Variants in HS6ST1 observed in about 807,000 individuals in gnomAD.
HS6ST1 encodes the protein heparan-sulfate 6-O-sulfotransferase 1.
HS6ST1 carries 3 observed loss-of-function variants against 25.2 expected under a neutral mutation model. The observed-to-expected ratio is 0.12, with a 90% CI of 0.05 to 0.31. HS6ST1 has a LOEUF of 0.31. Ranked by LOEUF, HS6ST1 falls within the 10% of genes least tolerant of loss-of-function variation. The probability of loss-of-function intolerance (pLI) is 1.00; values close to 1 mark genes in which losing one functional copy is unlikely to be tolerated. For synonymous variants in HS6ST1, 204 were observed against 275.1 expected (o/e 0.74, Z 2.56); for missense variants, 310 against 609.6 (o/e 0.51, Z 5.18).
At chr2:128,281,467 G>T (rs898864315) in intron 1 of HS6ST1, among the ~76,000 whole-genome samples, 3 of 152,354 alleles carry the variant, frequency 2.0e-5, no homozygotes, top group Admixed American at 6.5e-5. Context: ...CCATCAGGAT[G>T]TCCTTAGAGA....
intron 1 of HS6ST1, among the ~76,000 whole-genome samples, chr2:128,272,337 C>A (rs1255926827): frequency 6.6e-6 from 1 of 152,252 alleles, no homozygotes; most frequent in East Asian, 1.9e-4. Flanking sequence ...CTTGGTCAGA[C>A]CTCTCCACCT....
intron 1 of HS6ST1, among the ~76,000 whole-genome samples, chr2:128,279,801 A>G (rs1185151821): frequency 6.6e-6 from 1 of 152,174 alleles, no homozygotes; most frequent in African/African-American, 2.4e-5. Context: ...GTCTCTCAAC[A>G]GAACAAAACC....
rs1179917772 is a variant in HS6ST1, at chr2:128,318,838, G to GCTCCGCTCCA, written c.-285_-276dup. 6.8e-6 allele frequency among the ~76,000 whole-genome samples: 1 copy of GCTCCGCTCCA among 147,736 alleles called. No individual in the cohort carries two copies. Among genetic ancestry groups the GCTCCGCTCCA allele is most frequent in the African/African-American group, 2.4e-5 (1 of 41,006 alleles). Reference sequence around the variant, plus strand: ...CTCTCCGCGCCCCCAGCACCAGCCCGCTCCGCTCCACTCCGCGCCGAGAAC... The same window carrying GCTCCGCTCCA: ...CTCTCCGCGCCCCCAGCACCAGCCCGCTCCGCTCCACTCCGCTCCACTCCGCGCCGAGAAC... On this transcript the variant is annotated 5_prime_UTR_variant, in exon 1 of 2. Transcript: ENST00000259241. This position sits in a 1 kb window ranked among gnomAD's most constrained non-coding sequence, Gnocchi z 5.7.
At chr2:128,316,218 G>A (rs889502192) in intron 1 of HS6ST1, among the ~76,000 whole-genome samples, 25 of 152,372 alleles carry the variant, frequency 1.6e-4, no homozygotes, top group South Asian at 1.5e-3. Flanking sequence ...ACAGGCGTGC[G>A]GGGCTGCAGG....
intron 1 of HS6ST1, among the ~76,000 whole-genome samples, chr2:128,316,312 G>A (rs1694361535): frequency 6.6e-6 from 1 of 152,250 alleles, no homozygotes; most frequent in Non-Finnish European, 1.5e-5. Flanking sequence ...TTGGCGGCCC[G>A]AAGCTTCCAC....
intron 1 of HS6ST1, among the ~76,000 whole-genome samples, chr2:128,308,057 T>C (rs1428411652): frequency 6.6e-6 from 1 of 152,196 alleles, no homozygotes; most frequent in Non-Finnish European, 1.5e-5. Flanking sequence ...CAAGCAGAGT[T>C]TGATAAGGGT....
intron 1 of HS6ST1, among the ~76,000 whole-genome samples, chr2:128,297,271 G>A (rs1694053734): frequency 6.6e-6 from 1 of 152,130 alleles, no homozygotes; most frequent in Admixed American, 6.5e-5. Flanking sequence ...ACCATTCAAT[G>A]GGGAAAACAC....
Position 128,313,329 on chromosome 2 carries a change from GCACTCACC to G in HS6ST1, c.527+4700_527+4707del, listed in dbSNP as rs1694318308. ...ACAGAGTACAGAATGAGCAACCTGC[GCACTCACC>G]CACTGCCAACCAGCGGTGGCACACT... is the stretch of plus-strand genomic sequence containing the variant. On this transcript the variant is annotated intron_variant, in intron 1 of 1. Transcript: ENST00000259241. 3.3e-5 allele frequency among the ~76,000 whole-genome samples: 5 copies of G among 152,294 alleles called. No homozygotes were observed. In the South Asian group the frequency reaches 1.0e-3, roughly 32 times the overall value.
At chr2:128,308,508 G>T (rs1694244642) in intron 1 of HS6ST1, among the ~76,000 whole-genome samples, 2 of 152,218 alleles carry the variant, frequency 1.3e-5, no homozygotes, top group Admixed American at 1.3e-4. Context: ...GATGGCTGGG[G>T]GTGGGGTCAG....
chr2:128,288,599 C>T (rs1335969747), intron 1 of HS6ST1, among the ~76,000 whole-genome samples: 1 of 152,182 alleles, frequency 6.6e-6, no homozygotes, highest in Non-Finnish European at 1.5e-5. Flanking sequence ...GCGCCAGGTG[C>T]CCTGGGCCTA....
chr2:128,291,269 A>G (rs976208509), intron 1 of HS6ST1, among the ~76,000 whole-genome samples: 2 of 152,240 alleles, frequency 1.3e-5, no homozygotes, highest in South Asian at 4.1e-4. Flanking sequence ...ACACCCTCTC[A>G]GACAGCCGGA....
At position 128,277,074 on chromosome 2, in the gene HS6ST1, G is replaced by A. The variant is rs189691589; in HGVS notation, c.528-8204C>T. 3.3e-5 allele frequency among the ~76,000 whole-genome samples: 5 copies of A among 152,252 alleles called. No individual in the cohort carries two copies. The East Asian group carries it at 7.7e-4, about 24-fold the overall frequency. ...CTGGAAGGAACCACAGGTCCTGCCC[G>A]GCCCAAGCATCCGGCTGGTGGTTGG... On this transcript the variant is annotated intron_variant, in intron 1 of 1. Transcript: ENST00000259241.
At position 128,288,298 on chromosome 2, in the gene HS6ST1, G is replaced by A. The variant is rs574974146; in HGVS notation, c.528-19428C>T. Among the ~76,000 whole-genome samples the A allele has an allele frequency of 4.4e-4, 67 of 152,224 alleles. 1 individual carries two copies. The highest frequency in any genetic ancestry group is 1.6e-3 in the African/African-American group (66 of 41,542). On this transcript the variant is annotated intron_variant, in intron 1 of 1. Coordinates refer to ENST00000259241, the MANE Select transcript of HS6ST1 (RefSeq NM_004807.3). ...GTGGAGGCCCGAGAGGGAGGCTGGC[G>A]GCAGCGTCAGGTCCTGCCGGGGTGT...
rs76704678 is a variant in HS6ST1 at position 128,283,096 on chromosome 2, C to T, written c.528-14226G>A. Among the ~76,000 whole-genome samples, 1,174 of 152,334 alleles carry T rather than the reference C, an allele frequency of 7.7e-3. 10 individuals are homozygous for T. The highest frequency in any genetic ancestry group is 0.012 in the Non-Finnish European group (813 of 68,022). On this transcript the variant is annotated intron_variant, in intron 1 of 1. Coordinates refer to ENST00000259241, the MANE Select transcript of HS6ST1 (RefSeq NM_004807.3). ...ATCCAAGCACCTGGCTCCAGGCCCA[C>T]AGCTGTGTGTCCTGGGCAGGCCACC...
At chr2:128,288,529 C>T (rs908756734) in intron 1 of HS6ST1, among the ~76,000 whole-genome samples, 13 of 152,312 alleles carry the variant, frequency 8.5e-5, no homozygotes, top group Admixed American at 8.5e-4. Flanking sequence ...CTTGTGGGTA[C>T]AGCCTGATGC....
At chr2:128,317,293 G>T (rs1053286404) in intron 1 of HS6ST1, among the ~76,000 whole-genome samples, 2 of 152,238 alleles carry the variant, frequency 1.3e-5, no homozygotes. Flanking sequence ...GGCAGCACAG[G>T]TTCCCTGGAC....
chr2:128,311,386 C>T (rs532733295), intron 1 of HS6ST1, among the ~76,000 whole-genome samples: 1 of 152,150 alleles, frequency 6.6e-6, no homozygotes, highest in Non-Finnish European at 1.5e-5. Flanking sequence ...CCCGAGTCTG[C>T]CTCCCGCCTG....
Position 128,268,275 on chromosome 2 carries a change from G to C in HS6ST1, c.1123C>G (p.Arg375Gly). 6.2e-7 allele frequency: 1 copy of C among 1,612,432 alleles called. No homozygotes were observed. Among genetic ancestry groups the C allele is most frequent in the Non-Finnish European group, 8.5e-7 (1 of 1,179,740 alleles). Residue 375 changes from arginine (R) to glycine (G), a missense_variant, in exon 2 of 2, where the codon CGC becomes GGC. Physicochemically the swap from Arg to Gly is moderately radical, Grantham distance 125. Coordinates refer to ENST00000259241, the MANE Select transcript of HS6ST1 (RefSeq NM_004807.3). ...LERREQRLRS[R>G]EERLLHRAKE... Reference sequence around the variant, plus strand: ...GCCCGGTGCAGCAGACGCTCCTCGCGGCTCCTCAGGCGCTGCTCCCTGCGC... The same window carrying C: ...GCCCGGTGCAGCAGACGCTCCTCGCCGCTCCTCAGGCGCTGCTCCCTGCGC...
At chr2:128,287,282 C>A (rs775283143) in intron 1 of HS6ST1, among the ~76,000 whole-genome samples, 5 of 152,166 alleles carry the variant, frequency 3.3e-5, no homozygotes, top group African/African-American at 7.2e-5. Context: ...TATCCAGGGC[C>A]CAGGGCACTC....
Sources: allele counts gnomAD v4.1 joint callset (sites outside exome capture counted in the v4.1 genomes callset), GRCh38; gene constraint gnomAD v4.1.1; non-coding constraint Gnocchi (gnomAD v3.1); transcripts MANE v1.5; gene names NCBI Gene and HGNC (gene_info 2026-07-23, HGNC 2026-07-21).